Variants in CCDC171 observed in about 807,000 individuals in gnomAD.
CCDC171 encodes coiled-coil domain containing 171.
In CCDC171, 177 loss-of-function variants were observed where a neutral mutation model predicts 168.2. The observed-to-expected ratio is 1.05, with a 90% CI of 0.93 to 1.19. CCDC171 has a LOEUF of 1.19. Ranked by LOEUF, CCDC171 falls within the 50% of genes most tolerant of loss-of-function variation. The probability of loss-of-function intolerance (pLI) is 0.00; values close to 1 mark genes in which losing one functional copy is unlikely to be tolerated. For synonymous variants in CCDC171, 687 were observed against 540.8 expected, an observed-to-expected ratio of 1.27 and a Z score of -3.75; for missense variants, 1,991 against 1,539.0, an observed-to-expected ratio of 1.29 and a Z score of -4.91.
At chr9:15,783,877 C>A (rs904148118) in intron 20 of CCDC171, among the ~76,000 whole-genome samples, 2 of 152,150 alleles carry the variant, frequency 1.3e-5, no homozygotes, top group East Asian at 3.8e-4. Flanking sequence ...CACTGAGTGC[C>A]AGGCACTCTT....
intron 9 of CCDC171, among the ~76,000 whole-genome samples, chr9:15,667,334 A>G (rs957093770): frequency 6.6e-6 from 1 of 152,172 alleles, no homozygotes; most frequent in African/African-American, 2.4e-5. Context: ...TATAGCCACA[A>G]TATAAAGATC....
At chr9:16,012,827 A>T (rs567694961) in intron 3 of CCDC171, among the ~76,000 whole-genome samples, 2 of 152,302 alleles carry the variant, frequency 1.3e-5, no homozygotes, top group Admixed American at 6.5e-5. Context: ...GATAGGTAGC[A>T]TTGCTGTGCA....
intron 8 of CCDC171, among the ~76,000 whole-genome samples, chr9:16,037,377 G>A (rs550025002): frequency 6.6e-6 from 1 of 152,148 alleles, no homozygotes; most frequent in African/African-American, 2.4e-5. Context: ...GTGAGGTCAC[G>A]TCCTCAACCC....
At chr9:15,902,580 C>T (rs998379579) in intron 24 of CCDC171, among the ~76,000 whole-genome samples, 6 of 136,388 alleles carry the variant, frequency 4.4e-5, no homozygotes, top group African/African-American at 1.7e-4. Context: ...ATAGGAACAG[C>T]TCCAGTCTAC....
chr9:15,589,560 A>G (rs541820803), intron 4 of CCDC171, among the ~76,000 whole-genome samples: 84 of 152,354 alleles, frequency 5.5e-4, no homozygotes, highest in Non-Finnish European at 6.9e-4. Context: ...TGAGGACTTC[A>G]TTGGGTTTAT....
At chr9:15,720,844 C>T (rs1322154892) in intron 11 of CCDC171, among the ~76,000 whole-genome samples, 2 of 152,162 alleles carry the variant, frequency 1.3e-5, no homozygotes, top group Non-Finnish European at 2.9e-5. Context: ...CCTCCCTCCA[C>T]CCACCCCACA....
chr9:15,567,108 G>T lies in CCDC171; in HGVS notation c.41+2979G>T, dbSNP rs565782972. ...GTGGCGTGATCTCACTGCAACCTCT[G>T]TCCCCCGGGTTCAGGTGATTCTCCT... is the stretch of plus-strand genomic sequence containing the variant. On this transcript the variant is annotated intron_variant, in intron 2 of 25. Transcript: ENST00000380701. Among the ~76,000 whole-genome samples the T allele has an allele frequency of 1.5e-4, 22 of 143,460 alleles. No individual in the cohort carries two copies. In the South Asian group the frequency reaches 4.4e-3, roughly 28 times the overall value. 94.1% of individuals were successfully genotyped at this position (143,460 alleles called of 152,430 possible). A position where few individuals can be genotyped will look rare whatever the true frequency, so the allele number is the denominator to read the frequency against.
At chr9:15,697,534 A>G (rs1280735245) in intron 11 of CCDC171, among the ~76,000 whole-genome samples, 3 of 151,910 alleles carry the variant, frequency 2.0e-5, no homozygotes, top group Non-Finnish European at 4.4e-5. Flanking sequence ...TTTATAATGG[A>G]CTCTGTTTCT....
At chr9:16,034,472 T>C (rs1833427284) in intron 6 of CCDC171, among the ~76,000 whole-genome samples, 2 of 152,326 alleles carry the variant, frequency 1.3e-5, no homozygotes, top group East Asian at 1.9e-4. Flanking sequence ...ACACATTTTT[T>C]CCACAGTAAT....
At chr9:15,948,116 A>T (rs561894671) in intron 25 of CCDC171, among the ~76,000 whole-genome samples, 35 of 151,064 alleles carry the variant, frequency 2.3e-4, no homozygotes, top group African/African-American at 8.3e-4. Flanking sequence ...GAGAATGATG[A>T]TTTCTAATTT....
At chr9:15,660,999 T>G (rs1312730250) in intron 8 of CCDC171, among the ~76,000 whole-genome samples, 5 of 152,124 alleles carry the variant, frequency 3.3e-5, no homozygotes, top group African/African-American at 1.2e-4. Flanking sequence ...GCTGTTTTTT[T>G]GCCGGGCGCG....
the CCDC171 span, among the ~76,000 whole-genome samples, chr9:16,087,612 C>G: frequency 4.5e-5 from 6 of 132,802 alleles, no homozygotes; most frequent in African/African-American, 1.7e-4. Flanking sequence ...CTTCCTCCAT[C>G]CCTTTATTTT....
At position 15,788,983 on chromosome 9, in the gene CCDC171, G is replaced by A. The variant is rs144563493; in HGVS notation, c.3267+4289G>A. Among the ~76,000 whole-genome samples, 808 of 151,426 alleles carry A rather than the reference G, an allele frequency of 5.3e-3. 8 individuals carry two copies. The highest frequency in any genetic ancestry group is 0.018 in the African/African-American group (759 of 41,278). On this transcript the variant is annotated intron_variant, in intron 21 of 25. Coordinates refer to ENST00000380701, the MANE Select transcript of CCDC171 (RefSeq NM_173550.4). ...CTGCAATAAATGCACTGCATTTATTGCATAAATGCACATAAAGGAAATCTC... is the reference window on the plus strand; with the variant it reads ...CTGCAATAAATGCACTGCATTTATTACATAAATGCACATAAAGGAAATCTC...
chr9:16,010,079 C>G (rs1422011301), intron 3 of CCDC171, among the ~76,000 whole-genome samples: 1 of 151,964 alleles, frequency 6.6e-6, no homozygotes, highest in Non-Finnish European at 1.5e-5. Flanking sequence ...ACAGAGTACC[C>G]AACATAGAGT....
chr9:16,098,920 G>C, the CCDC171 span, among the ~76,000 whole-genome samples: 1 of 152,134 alleles, frequency 6.6e-6, no homozygotes, highest in African/African-American at 2.4e-5. Context: ...ACTGCTCTGA[G>C]GATTTCCAGT....
At chr9:15,860,320 G>C (rs1477745262) in intron 23 of CCDC171, among the ~76,000 whole-genome samples, 3 of 150,326 alleles carry the variant, frequency 2.0e-5, no homozygotes, top group Admixed American at 1.3e-4. Flanking sequence ...GGTTTAGTTT[G>C]TTCTTCTTCT....
chr9:15,670,218 C>G (rs907684076), intron 9 of CCDC171, among the ~76,000 whole-genome samples: 12 of 152,024 alleles, frequency 7.9e-5, no homozygotes, highest in African/African-American at 2.9e-4. Context: ...GTGTGTTCCC[C>G]CATTTCAGTG....
At chr9:15,885,476 C>T (rs1049551424) in intron 24 of CCDC171, 1 of 152,114 alleles carries the variant, frequency 6.6e-6, no homozygotes, top group African/African-American at 2.4e-5. Context: ...AGCAGTTGAA[C>T]TTTCAAGTGC....
chr9:15,799,815 T>C (rs2058734254), intron 21 of CCDC171, among the ~76,000 whole-genome samples: 2 of 152,148 alleles, frequency 1.3e-5, no homozygotes, highest in South Asian at 4.2e-4. Context: ...CTACTGTCTA[T>C]CTCCATGAGT....
Sources: gnomAD v4.1 joint callset for allele counts (sites outside exome capture counted in the v4.1 genomes callset) on GRCh38, gnomAD v4.1.1 for gene constraint, MANE v1.5 for transcripts, NCBI Gene and HGNC (gene_info 2026-07-23, HGNC 2026-07-21) for gene names.